The following SFXN5 variants were observed in gnomAD, a reference collection of about 807,000 sequenced individuals.
SFXN5 encodes the protein sideroflexin 5, also known as sideroflexin-5.
Under a neutral mutation model 50.2 loss-of-function variants are expected in SFXN5, and 43 were observed. The observed-to-expected ratio is 0.86, with a 90% CI of 0.67 to 1.11. SFXN5 has a LOEUF of 1.11. SFXN5 is among the 50% of genes least tolerant of loss of function. The pLI is 0.00. For synonymous variants in SFXN5, 203 were observed against 185.8 expected (o/e 1.09, Z -0.75); for missense variants, 463 against 454.1 (o/e 1.02, Z -0.18).
chr2:73,017,518 AG>A (rs1440059876), intron 6 of SFXN5, among the ~76,000 whole-genome samples: 1 of 152,240 alleles, frequency 6.6e-6, no homozygotes, highest in East Asian at 1.9e-4. Context: ...ATACTTTCTA[AG>A]GACAAAAAGA....
At position 72,942,995 on chromosome 2, in the gene SFXN5, A is replaced by C. The variant is rs1399501276; in HGVS notation, c.*2027T>G. The C allele has an allele frequency of 2.6e-5, 4 of 152,368 alleles. No individual in the cohort carries two copies. The highest frequency in any genetic ancestry group is 9.6e-5 in the African/African-American group (4 of 41,458). The allele number at this position is 152,368 out of a possible 1,614,324, so 9.4% of individuals were successfully genotyped here. A position where few individuals can be genotyped will look rare whatever the true frequency, so the allele number is the denominator to read the frequency against. ...ATGCCAGCACCTAGTTCAGGCCTAG[A>C]GACCAGCACAGCGCAGCAGTCACTG... On this transcript the variant is annotated 3_prime_UTR_variant, in exon 14 of 14. Transcript: ENST00000272433.
chr2:73,041,921 AC>A (rs759989156), intron 2 of SFXN5, among the ~76,000 whole-genome samples: 5 of 152,040 alleles, frequency 3.3e-5, no homozygotes, highest in Admixed American at 6.6e-5. Context: ...CTGGTCTCAA[AC>A]TCCTGGGCTC....
intron 6 of SFXN5, among the ~76,000 whole-genome samples, chr2:73,011,325 G>T (rs1420489062): frequency 6.6e-6 from 1 of 152,200 alleles, no homozygotes; most frequent in Non-Finnish European, 1.5e-5. Flanking sequence ...AAAGTACTGG[G>T]ATTACACGTG....
At chr2:73,062,109 C>G (rs1380547662) in intron 1 of SFXN5, among the ~76,000 whole-genome samples, 1 of 152,054 alleles carries the variant, frequency 6.6e-6, no homozygotes, top group East Asian at 1.9e-4. Context: ...AGAGTGAGAG[C>G]CTGTCTCCAA....
chr2:73,022,612 G>A (rs771140669), intron 4 of SFXN5, 36 bp from the exon 5 acceptor site: 9 of 995,374 alleles, frequency 9.0e-6, no homozygotes, highest in African/African-American at 8.0e-5. Flanking sequence ...GGGTGGGGAC[G>A]GGGGTGTAGG....
chr2:73,059,159 C>T (rs991890179), intron 1 of SFXN5: 1 of 985,462 alleles, frequency 1.0e-6, no homozygotes, highest in Non-Finnish European at 1.2e-6. Context: ...GGGCAGCTCC[C>T]CCAACCTTGC....
chr2:72,972,855 C>A (rs1559106762), intron 10 of SFXN5, among the ~76,000 whole-genome samples: 1 of 152,126 alleles, frequency 6.6e-6, no homozygotes, highest in African/African-American at 2.4e-5. Context: ...GGAGCGACTG[C>A]AGTTCTGGGC....
intron 12 of SFXN5, among the ~76,000 whole-genome samples, chr2:72,962,591 A>G (rs938309260): frequency 6.6e-6 from 1 of 152,224 alleles, no homozygotes; most frequent in Non-Finnish European, 1.5e-5. Context: ...GTGATCCCAG[A>G]CCACACTTCT....
intron 2 of SFXN5, among the ~76,000 whole-genome samples, chr2:73,051,555 C>T (rs1292084975): frequency 6.6e-6 from 1 of 152,214 alleles, no homozygotes; most frequent in Non-Finnish European, 1.5e-5. Context: ...CGCCCCCAGC[C>T]TTCCAGCACT....
At chr2:73,059,899 CTG>C in intron 1 of SFXN5, 1 of 867,716 alleles carries the variant, frequency 1.2e-6, no homozygotes, top group Non-Finnish European at 1.4e-6. Flanking sequence ...AGGATATTCA[CTG>C]CTGCATTCTT....
chr2:73,009,747 G>T (rs1483149143), intron 6 of SFXN5, among the ~76,000 whole-genome samples: 1 of 152,198 alleles, frequency 6.6e-6, no homozygotes, highest in African/African-American at 2.4e-5. Context: ...ATCTGCTTCA[G>T]CAATGAACCC....
chr2:73,024,445 C>T (rs1190795823), intron 3 of SFXN5, among the ~76,000 whole-genome samples: 1 of 152,170 alleles, frequency 6.6e-6, no homozygotes, highest in Non-Finnish European at 1.5e-5. Context: ...TTGCTGAGCC[C>T]AGGATCAGTC....
At position 72,945,008 on chromosome 2, in the gene SFXN5, G is replaced by A; in HGVS notation, c.*14C>T. The A allele has an allele frequency of 6.2e-7, 1 of 1,612,534 alleles. No homozygotes were observed. The highest frequency in any genetic ancestry group is 8.5e-7 in the Non-Finnish European group (1 of 1,179,164). On this transcript the variant is annotated 3_prime_UTR_variant, in exon 14 of 14. Coordinates refer to ENST00000272433, the MANE Select transcript of SFXN5 (RefSeq NM_144579.3). This position sits in a 1 kb window ranked among gnomAD's most constrained non-coding sequence, Gnocchi z 5.8. ...CGGCTGCACAGTGCTCCGTCCCCAG[G>A]CCGCTGACCACACTCACAACCCCTT...
At chr2:72,988,236 C>G (rs774503753) in intron 10 of SFXN5, 22 bp downstream of exon 10, 101 of 1,610,792 alleles carry the variant, frequency 6.3e-5, no homozygotes, top group Non-Finnish European at 7.9e-5. Flanking sequence ...CAGCACACAT[C>G]TATGTGGTGT....
chr2:72,999,352 G>A (rs1673626731), intron 8 of SFXN5, among the ~76,000 whole-genome samples: 1 of 152,000 alleles, frequency 6.6e-6, no homozygotes, highest in South Asian at 2.1e-4. Flanking sequence ...CAGTTTAGAG[G>A]CTAAATGTTT....
In SFXN5 at chr2:72,984,506, G is replaced by GGGCCTGGGA. The variant is rs140583857; in HGVS notation, c.625+3743_625+3751dup. ...ACAGGGCTTGAAATAGCCCTGGGCT[G>GGGCCTGGGA]GGCCTGGGAGGCCTGGGAGGCCTGG... On this transcript the variant is annotated intron_variant, in intron 10 of 13. Transcript: ENST00000272433. Among the ~76,000 whole-genome samples, 15 of 152,356 alleles carry GGGCCTGGGA rather than the reference G, an allele frequency of 9.8e-5. No homozygotes were observed. In the South Asian group the frequency reaches 1.5e-3, roughly 15 times the overall value.
At chr2:72,988,451 C>G (rs1326208456) in intron 9 of SFXN5, 103 bp from the exon 10 acceptor site, 3 of 988,782 alleles carry the variant, frequency 3.0e-6, no homozygotes, top group Non-Finnish European at 4.5e-6. Flanking sequence ...TGAGGGATGT[C>G]ATCTTTCCCC....
At position 73,062,489 on chromosome 2, in the gene SFXN5, A is replaced by G. The variant is rs111298341; in HGVS notation, c.103-3893T>C. On this transcript the variant is annotated intron_variant, in intron 1 of 13. Coordinates refer to ENST00000272433, the MANE Select transcript of SFXN5 (RefSeq NM_144579.3). ...TTGAAGATGGTCCAGCAGAAACTTC[A>G]GCCTTTGACTTGTCCTATGGTCTGG... 6.2e-3 allele frequency among the ~76,000 whole-genome samples: 950 copies of G among 152,318 alleles called. 14 individuals carry two copies. The highest frequency in any genetic ancestry group is 0.02 in the African/African-American group (819 of 41,562).
intron 2 of SFXN5, among the ~76,000 whole-genome samples, chr2:73,050,748 A>G (rs1396882530): frequency 1.3e-5 from 2 of 152,130 alleles, no homozygotes; most frequent in East Asian, 3.8e-4. Flanking sequence ...TAGCCATACT[A>G]ATCTCCTTAT....
Sources: gnomAD v4.1 joint callset for allele counts (sites outside exome capture counted in the v4.1 genomes callset) on GRCh38, gnomAD v4.1.1 for gene constraint, Gnocchi (gnomAD v3.1) non-coding constraint, MANE v1.5 for transcripts, NCBI Gene and HGNC (gene_info 2026-07-23, HGNC 2026-07-21) for gene names.